Variants in TRIM36 observed in about 807,000 individuals in gnomAD.
TRIM36 encodes tripartite motif containing 36, also known as E3 ubiquitin-protein ligase TRIM36.
Under a neutral mutation model 72.4 loss-of-function variants are expected in TRIM36, and 42 were observed. That is an observed-to-expected ratio of 0.58 (90% CI 0.45 to 0.75). The LOEUF is 0.75. Ranked by LOEUF, TRIM36 falls within the 30% of genes least tolerant of loss-of-function variation. TRIM36 has a pLI of 0.00. For synonymous variants in TRIM36, 315 were observed against 282.8 expected (o/e 1.11, Z -1.14); for missense variants, 913 against 857.1 (o/e 1.07, Z -0.81).
At chr5:115,132,185 T>TGC (rs1752720588) in intron 8 of TRIM36, among the ~76,000 whole-genome samples, 1 of 25,784 alleles carries the variant, frequency 3.9e-5, no homozygotes, top group African/African-American at 1.0e-4. Flanking sequence ...TCTCTCTCTA[T>TGC]GTGTGTGTGT....
chr5:115,177,423 C>T lies in TRIM36; in HGVS notation c.63+2552G>A, dbSNP rs571377005. 3.8e-6 allele frequency: 3 copies of T among 783,240 alleles called. No individual in the cohort carries two copies. The East Asian group carries it at 2.2e-4, about 57-fold the overall frequency. The allele number at this position is 783,240 out of a possible 1,614,324, so 48.5% of individuals were successfully genotyped here. A position where few individuals can be genotyped will look rare whatever the true frequency, so the allele number is the denominator to read the frequency against. The stretch of plus-strand genomic sequence containing the variant: ...AGGGCAGGCCAACTACAGGCCTCTA[C>T]TCTCTTAACTCTCATAATTAGACCA... On this transcript the variant is annotated intron_variant, in intron 1 of 9. Coordinates refer to the TRIM36 transcript ENST00000282369.
Position 115,126,892 on chromosome 5 carries a change from A to C in TRIM36, c.1797-35T>G, listed in dbSNP as rs2921623. The C allele has an allele frequency of 1, 1,556,683 of 1,559,288 alleles. 777,082 individuals carry two copies. Among genetic ancestry groups the C allele is most frequent in the East Asian group, 1 (44,418 of 44,418 alleles). The stretch of plus-strand genomic sequence containing the variant: ...AATACAAAGCATCTGTATCTTCAAC[A>C]ATAGATCTAAGTATCTTCAAAACAT... On this transcript the variant is annotated intron_variant, in intron 9 of 9. Transcript: ENST00000513154.
intron 4 of TRIM36, among the ~76,000 whole-genome samples, chr5:115,144,109 C>T (rs1256573338): frequency 1.3e-5 from 2 of 151,900 alleles, no homozygotes; most frequent in South Asian, 2.1e-4. Context: ...CTCCTGACCT[C>T]GTGATCCGCC....
At chr5:115,151,702 C>A (rs1243252994) in intron 2 of TRIM36, among the ~76,000 whole-genome samples, 1 of 152,224 alleles carries the variant, frequency 6.6e-6, no homozygotes, top group Non-Finnish European at 1.5e-5. Context: ...TGGTTCACAT[C>A]ACAGGACTGT....
At chr5:115,157,007 T>C (rs1020758350) in intron 2 of TRIM36, among the ~76,000 whole-genome samples, 1 of 152,104 alleles carries the variant, frequency 6.6e-6, no homozygotes, top group Non-Finnish European at 1.5e-5. Flanking sequence ...GCTAAGGACA[T>C]GAATAGACAA....
chr5:115,179,892 T>TGGAC, intron 1 of TRIM36: 4 of 1,380,900 alleles, frequency 2.9e-6, no homozygotes, highest in Non-Finnish European at 4.1e-6. Context: ...GGCGCTGGAA[T>TGGAC]GGACACGGAC....
intron 4 of TRIM36, among the ~76,000 whole-genome samples, chr5:115,142,458 G>C (rs1385375381): frequency 6.6e-6 from 1 of 152,170 alleles, no homozygotes; most frequent in Non-Finnish European, 1.5e-5. Context: ...GCTTACATTA[G>C]AACTACAAGA....
At chr5:115,135,233 C>T (rs1008735618) in intron 7 of TRIM36, among the ~76,000 whole-genome samples, 1 of 152,174 alleles carries the variant, frequency 6.6e-6, no homozygotes, top group African/African-American at 2.4e-5. Context: ...TACACACACA[C>T]ATTTATGACA....
intron 3 of TRIM36, among the ~76,000 whole-genome samples, chr5:115,146,249 C>T (rs2112838878): frequency 6.6e-6 from 1 of 152,294 alleles, no homozygotes; most frequent in Admixed American, 6.5e-5. Flanking sequence ...CAATCCTTTA[C>T]TATTTAATAT....
rs373913208 is a variant in TRIM36 at position 115,133,888 on chromosome 5, T to C, written c.1470A>G (p.Glu490=). The C allele has an allele frequency of 4.9e-5, 78 of 1,605,792 alleles. No individual in the cohort carries two copies. The highest frequency in any genetic ancestry group is 6.5e-5 in the Non-Finnish European group (76 of 1,176,498). ...KGSICSPCSR[E]LILHTPPAPV... Reference sequence around the variant, plus strand: ...GAGCTGGAGGAGTATGAAGAATCAATTCTCTGCTGCAAGGACTACAGATTG... The same window carrying C: ...GAGCTGGAGGAGTATGAAGAATCAACTCTCTGCTGCAAGGACTACAGATTG... Residue 490 remains glutamate, a synonymous_variant, in exon 8 of 10, where the codon GAA becomes GAG. Transcript: ENST00000513154.
At chr5:115,167,831 T>A (rs1013760202) in intron 1 of TRIM36, among the ~76,000 whole-genome samples, 19 of 152,186 alleles carry the variant, frequency 1.2e-4, no homozygotes, top group African/African-American at 4.6e-4. Flanking sequence ...TCTGTGTTAG[T>A]CCCTTTTCAC....
intron 1 of TRIM36, 100 bp downstream of exon 1, chr5:115,169,508 C>G (rs1234456911): frequency 1.1e-5 from 15 of 1,334,176 alleles, no homozygotes; most frequent in Non-Finnish European, 1.5e-5. Flanking sequence ...TTTGCTCTCC[C>G]GGGAGGAGGC....
upstream of TRIM36, among the ~76,000 whole-genome samples, chr5:115,170,460 G>C (rs1165367298): frequency 5.9e-5 from 9 of 152,146 alleles, no homozygotes; most frequent in Non-Finnish European, 1.3e-4. Flanking sequence ...GAGCACGGCA[G>C]AGCTGCGCGA....
chr5:115,131,773 A>G (rs1752694611), intron 8 of TRIM36, among the ~76,000 whole-genome samples: 1 of 152,224 alleles, frequency 6.6e-6, no homozygotes, highest in African/African-American at 2.4e-5. Flanking sequence ...AATAAGCCAG[A>G]TGTAAAAGGA....
chr5:115,176,227 G>A (rs957150311), intron 1 of TRIM36, among the ~76,000 whole-genome samples: 2 of 152,160 alleles, frequency 1.3e-5, no homozygotes, highest in Non-Finnish European at 2.9e-5. Context: ...CTATCTATTC[G>A]TCCTTCTGAA....
chr5:115,151,107 G>A (rs10042117), intron 2 of TRIM36, among the ~76,000 whole-genome samples: 4,508 of 152,294 alleles, frequency 0.03, 110 homozygotes, highest in Non-Finnish European at 0.044. Flanking sequence ...ACTTGCTTTT[G>A]CAGCTGGGAG....
In TRIM36 at chr5:115,169,687, C is replaced by A. The variant is rs1754990697; in HGVS notation, c.-53G>T. 5 of 1,510,464 alleles carry A rather than the reference C, an allele frequency of 3.3e-6. No homozygotes were observed. Among genetic ancestry groups the A allele is most frequent in the African/African-American group, 2.8e-5 (2 of 72,130 alleles). 93.6% of individuals were successfully genotyped at this position (1,510,464 alleles called of 1,614,324 possible). On this transcript the variant is annotated 5_prime_UTR_variant, in exon 1 of 10. Transcript: ENST00000513154. Reference sequence around the variant, plus strand: ...GGCACGTTCCACTCACACCGGCTACCGAGCGCAGGGTCTGGTGGGCGGGTC... The same window carrying A: ...GGCACGTTCCACTCACACCGGCTACAGAGCGCAGGGTCTGGTGGGCGGGTC...
chr5:115,139,120 T>C (rs1159354117), intron 5 of TRIM36, among the ~76,000 whole-genome samples: 1 of 145,290 alleles, frequency 6.9e-6, no homozygotes, highest in African/African-American at 2.6e-5. Flanking sequence ...CACCCAGCTT[T>C]TTTTTTTTCT....
At position 115,162,115 on chromosome 5, in the gene TRIM36, A is replaced by G. The variant is rs114041827; in HGVS notation, c.262+1403T>C. 6.7e-3 allele frequency among the ~76,000 whole-genome samples: 1,027 copies of G among 152,244 alleles called. 15 individuals are homozygous for G. Among genetic ancestry groups the G allele is most frequent in the African/African-American group, 0.024 (984 of 41,544 alleles). On this transcript the variant is annotated intron_variant, in intron 2 of 9. Coordinates refer to ENST00000513154, the MANE Select transcript of TRIM36 (RefSeq NM_001300759.2). ...TATCCAGCATACTCATTCTATCCAT[A>G]AGAAAACTATCATATTCTGCAGTCA... is the stretch of plus-strand genomic sequence containing the variant.
Sources: gnomAD v4.1 joint callset for allele counts (sites outside exome capture counted in the v4.1 genomes callset) on GRCh38, gnomAD v4.1.1 for gene constraint, MANE v1.5 for transcripts, NCBI Gene and HGNC (gene_info 2026-07-23, HGNC 2026-07-21) for gene names.